The following KLHL13 variants were observed in gnomAD, a reference collection of about 807,000 sequenced individuals.
KLHL13 encodes kelch-like protein 13.
A neutral mutation model predicts 37.1 loss-of-function variants in KLHL13; 10 were observed. The ratio of observed to expected loss-of-function variants is 0.27; its 90% confidence interval spans 0.17 to 0.46. The LOEUF is 0.46. Ranked by LOEUF, KLHL13 falls within the 20% of genes least tolerant of loss-of-function variation. The probability of loss-of-function intolerance (pLI) is 1.00; values close to 1 mark genes in which losing one functional copy is unlikely to be tolerated. For missense variants in KLHL13, 360 were observed against 509.3 expected, an observed-to-expected ratio of 0.71 and a Z score of 2.82; for synonymous variants, 163 against 181.2, an observed-to-expected ratio of 0.90 and a Z score of 0.81.
intron 1 of KLHL13, among the ~76,000 whole-genome samples, chrX:118,043,694 A>G (rs2148060119): frequency 8.9e-6 from 1 of 112,021 alleles, no homozygotes; most frequent in Admixed American, 9.5e-5. Context: ...ACATCGCTTC[A>G]TGATAAAAAG....
At chrX:118,085,609 C>T (rs1388801531) in intron 1 of KLHL13, among the ~76,000 whole-genome samples, 1 of 110,025 alleles carries the variant, frequency 9.1e-6, no homozygotes, top group Admixed American at 9.8e-5. Flanking sequence ...TCTGAGATTC[C>T]AGTGTCCATG....
chrX:118,025,826 A>C (rs777979314), intron 1 of KLHL13, among the ~76,000 whole-genome samples: 1 of 112,422 alleles, frequency 8.9e-6, no homozygotes, highest in Non-Finnish European at 1.9e-5. Context: ...GAGAAGGAAG[A>C]AGCAGCTTGT....
At chrX:117,909,179 T>C (rs1479302778) in intron 5 of KLHL13, 122 bp downstream of exon 6, 3 of 617,609 alleles carry the variant, frequency 4.9e-6, no homozygotes, top group East Asian at 3.6e-5. Context: ...CTCAGAAAAA[T>C]AGTTTTAAAA....
intron 1 of KLHL13, among the ~76,000 whole-genome samples, chrX:118,056,874 T>C (rs906012946): frequency 3.6e-5 from 4 of 112,213 alleles, no homozygotes; most frequent in Non-Finnish European, 7.5e-5. Context: ...ACAGCTGACA[T>C]ATAATAGGTG....
At chrX:118,076,017 C>T (rs957064362) in intron 1 of KLHL13, among the ~76,000 whole-genome samples, 1 of 111,380 alleles carries the variant, frequency 9.0e-6, no homozygotes, top group African/African-American at 3.3e-5. Context: ...AATAAAGAAT[C>T]GCTACTCCAT....
At chrX:117,964,169 G>A (rs1347067375) in intron 1 of KLHL13, among the ~76,000 whole-genome samples, 1 of 101,673 alleles carries the variant, frequency 9.8e-6, no homozygotes, top group East Asian at 3.0e-4. Context: ...ATGTGCACAT[G>A]TACCCTAAAA....
rs747743400 is a variant in KLHL13 at position 118,047,780 on chromosome X, T to C, written c.-56+68728A>G. Among the ~76,000 whole-genome samples the C allele has an allele frequency of 5.4e-5, 6 of 112,029 alleles. No individual in the cohort carries two copies. The South Asian group carries it at 2.3e-3, about 42-fold the overall frequency. On this transcript the variant is annotated intron_variant, in intron 1 of 6. Transcript: ENST00000371882. Reference sequence around the variant, plus strand: ...AATATGAGATGGGAGAGATGTTTACTTTTAATCCTGTATTTTTTTTGCTCA... The same window carrying C: ...AATATGAGATGGGAGAGATGTTTACCTTTAATCCTGTATTTTTTTTGCTCA...
intron 2 of KLHL13, among the ~76,000 whole-genome samples, chrX:117,933,132 G>A (rs1001447754): frequency 5.4e-5 from 6 of 110,201 alleles, no homozygotes; most frequent in African/African-American, 2.0e-4. Context: ...CAGATGCATA[G>A]TTTGCAAGTA....
Position 117,912,055 on chromosome X carries a change from C to T in KLHL13, c.571-1959G>A, listed in dbSNP as rs6645990. ...TAATCCAATTTGAGGAGCTGCAGGT[C>T]GGTGGTTCAAAAATTTAAGTTTTGT... is the stretch of plus-strand genomic sequence containing the variant. On this transcript the variant is annotated intron_variant, in intron 4 of 6. Coordinates refer to ENST00000262820, the Ensembl canonical transcript of KLHL13. Among the ~76,000 whole-genome samples the T allele has an allele frequency of 7.1e-3, 795 of 111,327 alleles. 6 individuals carry two copies. The highest frequency in any genetic ancestry group is 0.023 in the African/African-American group (700 of 30,686).
At chrX:117,944,053 C>A (rs1016778677) in intron 2 of KLHL13, among the ~76,000 whole-genome samples, 2 of 111,073 alleles carry the variant, frequency 1.8e-5, no homozygotes, top group African/African-American at 6.5e-5. Flanking sequence ...CTATTCCTTT[C>A]TTGTTTGTTA....
intron 1 of KLHL13, among the ~76,000 whole-genome samples, chrX:118,105,483 T>C (rs1192675099): frequency 8.9e-6 from 1 of 112,806 alleles, no homozygotes; most frequent in Non-Finnish European, 1.9e-5. Flanking sequence ...CCTCATAGTA[T>C]TGTTATGTGG....
intron 1 of KLHL13, among the ~76,000 whole-genome samples, chrX:118,021,689 G>A (rs754357048): frequency 0.036 from 3,944 of 108,678 alleles, 289 homozygotes; most frequent in African/African-American, 0.13. Context: ...GAATAGTGTC[G>A]CAATAAACAT....
chrX:118,076,700 G>A (rs996609621), intron 1 of KLHL13, among the ~76,000 whole-genome samples: 1 of 111,171 alleles, frequency 9.0e-6, no homozygotes, highest in Non-Finnish European at 1.9e-5. Context: ...ATCATTTGAA[G>A]GCCTTAATAG....
chrX:117,955,847 A>G (rs1229408173), intron 1 of KLHL13, among the ~76,000 whole-genome samples: 1 of 111,602 alleles, frequency 9.0e-6, no homozygotes, highest in Non-Finnish European at 1.9e-5. Context: ...AAACATATCC[A>G]TTGCTGGCCA....
At chrX:118,012,880 T>C (rs1046678711) in intron 1 of KLHL13, among the ~76,000 whole-genome samples, 13 of 111,879 alleles carry the variant, frequency 1.2e-4, no homozygotes, top group African/African-American at 4.2e-4. Flanking sequence ...AAATAAAATA[T>C]GGAATTCTTC....
intron 6 of KLHL13, 57 bp from the exon 8 acceptor site, chrX:117,899,452 T>A (rs772363201): frequency 4.7e-5 from 48 of 1,016,405 alleles, no homozygotes; most frequent in Non-Finnish European, 6.2e-5. Flanking sequence ...CAAAAGTAAT[T>A]AAAGGAGCTC....
intron 1 of KLHL13, among the ~76,000 whole-genome samples, chrX:117,961,733 T>A (rs1417462305): frequency 9.0e-6 from 1 of 110,838 alleles, no homozygotes; most frequent in Non-Finnish European, 1.9e-5. Context: ...AAGCTGAAAT[T>A]GTCCTTTAAC....
intron 1 of KLHL13, among the ~76,000 whole-genome samples, chrX:118,000,618 A>T (rs61566426): frequency 0.021 from 2,301 of 111,826 alleles, 66 homozygotes; most frequent in African/African-American, 0.071. Context: ...GACATTTTAA[A>T]AGGCAACCCC....
At chrX:118,049,176 C>A (rs887077601) in intron 1 of KLHL13, among the ~76,000 whole-genome samples, 46 of 111,464 alleles carry the variant, frequency 4.1e-4, no homozygotes, top group Non-Finnish European at 7.5e-4. Context: ...TAAACTGATG[C>A]TATATAAAAG....
Sources: allele counts gnomAD v4.1 joint callset (sites outside exome capture counted in the v4.1 genomes callset), GRCh38; gene constraint gnomAD v4.1.1; transcripts MANE v1.5; gene names NCBI Gene and HGNC (gene_info 2026-07-23, HGNC 2026-07-21).